The following NRG3 variants were observed in gnomAD, a reference collection of about 807,000 sequenced individuals.
The protein encoded by NRG3 is pro-neuregulin-3, membrane-bound isoform.
In NRG3, 31 loss-of-function variants were observed where a neutral mutation model predicts 66.9. The ratio of observed to expected loss-of-function variants is 0.46; its 90% CI spans 0.35 to 0.63. NRG3 has a LOEUF of 0.63. NRG3 is among the 20% of genes least tolerant of loss of function. The probability of loss-of-function intolerance (pLI) is 0.00; values close to 1 mark genes in which losing one functional copy is unlikely to be tolerated. For synonymous variants in NRG3, 393 were observed against 359.4 expected (o/e 1.09, Z -1.06); for missense variants, 910 against 878.9 (o/e 1.04, Z -0.45).
At chr10:82,480,129 A>G (rs1366333702) in intron 2 of NRG3, among the ~76,000 whole-genome samples, 1 of 152,272 alleles carries the variant, frequency 6.6e-6, no homozygotes, top group Non-Finnish European at 1.5e-5. Context: ...GATTTCATTC[A>G]TAAGAAAGGT....
In NRG3 at chr10:82,813,186, A is replaced by G. The variant is rs200104278; in HGVS notation, c.1028-52225A>G. On this transcript the variant is annotated intron_variant, in intron 3 of 8. Transcript: ENST00000372141. The stretch of plus-strand genomic sequence containing the variant: ...AAAAAAAACACAAAGTACATTATTC[A>G]TCATTATTCATACCCTCTGTTTCTC... 2.7e-5 allele frequency among the ~76,000 whole-genome samples: 4 copies of G among 149,776 alleles called. No individual in the cohort carries two copies. The East Asian group carries it at 7.9e-4, about 30-fold the overall frequency.
At chr10:82,528,621 A>G (rs939990502) in intron 2 of NRG3, among the ~76,000 whole-genome samples, 3 of 152,116 alleles carry the variant, frequency 2.0e-5, no homozygotes, top group African/African-American at 7.2e-5. Context: ...TCGGAGACAG[A>G]GTTTGCTATT....
chr10:82,818,407 C>A (rs73307259), intron 3 of NRG3, among the ~76,000 whole-genome samples: 3,448 of 152,122 alleles, frequency 0.023, 143 homozygotes, highest in African/African-American at 0.08. Flanking sequence ...CAGACCATTG[C>A]AGGACAGGAG....
chr10:82,520,842 G>A (rs1223360774), intron 2 of NRG3, among the ~76,000 whole-genome samples: 3 of 152,122 alleles, frequency 2.0e-5, no homozygotes, highest in African/African-American at 7.2e-5. Flanking sequence ...ATCCACTGGT[G>A]TTCGGGTATA....
chr10:82,003,129 G>T (rs2061238377), intron 1 of NRG3, among the ~76,000 whole-genome samples: 1 of 152,164 alleles, frequency 6.6e-6, no homozygotes, highest in Non-Finnish European at 1.5e-5. Context: ...TTAATTGCAT[G>T]TGCAAGGGGA....
chr10:82,937,042 C>T (rs1157377149), intron 4 of NRG3, among the ~76,000 whole-genome samples: 2 of 152,232 alleles, frequency 1.3e-5, no homozygotes, highest in East Asian at 1.9e-4. Flanking sequence ...ATTCGTGGAG[C>T]ATCAGTATGA....
At position 82,268,039 on chromosome 10, in the gene NRG3, C is replaced by T. The variant is rs569879809; in HGVS notation, c.824-90700C>T. Among the ~76,000 whole-genome samples the T allele has an allele frequency of 2.0e-5, 3 of 152,286 alleles. No individual in the cohort carries two copies. In the South Asian group the frequency reaches 6.2e-4, roughly 32 times the overall value. ...AGCTAAAACTGTTACATGAATATCA[C>T]TGAGTATTTTTTAAGCTCTTCCTCT... is the stretch of plus-strand genomic sequence containing the variant. On this transcript the variant is annotated intron_variant, in intron 1 of 8. Transcript: ENST00000372141.
chr10:82,654,377 T>C (rs2051680133), intron 2 of NRG3, among the ~76,000 whole-genome samples: 1 of 152,146 alleles, frequency 6.6e-6, no homozygotes, highest in African/African-American at 2.4e-5. Flanking sequence ...CATTTTCCAA[T>C]AAAATGAGCA....
chr10:82,960,377 T>C (rs1024727734), intron 6 of NRG3, among the ~76,000 whole-genome samples: 28 of 151,808 alleles, frequency 1.8e-4, no homozygotes, highest in African/African-American at 6.5e-4. Flanking sequence ...AGCCAGACAC[T>C]AGTTAAAGTG....
intron 4 of NRG3, among the ~76,000 whole-genome samples, chr10:82,886,737 CAAGTA>C (rs1210431081): frequency 1.3e-5 from 2 of 152,142 alleles, no homozygotes; most frequent in African/African-American, 4.8e-5. Flanking sequence ...TACATTTTCT[CAAGTA>C]AAGACAAAGT....
intron 3 of NRG3, among the ~76,000 whole-genome samples, chr10:82,861,251 G>A (rs1189166142): frequency 6.6e-6 from 1 of 151,976 alleles, no homozygotes; most frequent in Non-Finnish European, 1.5e-5. Flanking sequence ...ATGTCCAGTG[G>A]TGTCAGTTGC....
At chr10:82,458,845 G>A (rs1289904871) in intron 2 of NRG3, among the ~76,000 whole-genome samples, 1 of 152,200 alleles carries the variant, frequency 6.6e-6, no homozygotes, top group Non-Finnish European at 1.5e-5. Flanking sequence ...CTCACCTGAG[G>A]TAGCATTCCC....
chr10:82,786,382 T>C (rs958162046), intron 3 of NRG3, among the ~76,000 whole-genome samples: 5 of 152,144 alleles, frequency 3.3e-5, no homozygotes, highest in Admixed American at 6.5e-5. Context: ...AGACATGATA[T>C]GGTTTTTGTT....
chr10:82,274,812 C>T (rs966797049), intron 1 of NRG3, among the ~76,000 whole-genome samples: 2 of 151,852 alleles, frequency 1.3e-5, no homozygotes, highest in African/African-American at 4.8e-5. Flanking sequence ...TTTCATCGTC[C>T]CATTAAAACT....
intron 2 of NRG3, among the ~76,000 whole-genome samples, chr10:82,410,183 A>G (rs2087948835): frequency 6.6e-6 from 1 of 152,078 alleles, no homozygotes; most frequent in Admixed American, 6.6e-5. Flanking sequence ...AGATTTCTTA[A>G]TGATTTGTGG....
At chr10:82,445,499 GCTCT>G (rs2090671904) in intron 2 of NRG3, among the ~76,000 whole-genome samples, 1 of 152,082 alleles carries the variant, frequency 6.6e-6, no homozygotes, top group Admixed American at 6.6e-5. Flanking sequence ...CTTCTTAGGG[GCTCT>G]CTGTGTCTAA....
chr10:82,739,510 T>A (rs867687594), intron 3 of NRG3, among the ~76,000 whole-genome samples: 120 of 152,348 alleles, frequency 7.9e-4, no homozygotes, highest in African/African-American at 2.7e-3. Flanking sequence ...TTGTACTGAC[T>A]AAGGACAGAG....
At chr10:81,998,399 G>T (rs2061027731) in intron 1 of NRG3, among the ~76,000 whole-genome samples, 1 of 152,014 alleles carries the variant, frequency 6.6e-6, no homozygotes, top group South Asian at 2.1e-4. Context: ...CTCCCAAACT[G>T]GCCACTCTGA....
intron 2 of NRG3, among the ~76,000 whole-genome samples, chr10:82,728,254 G>A (rs371744295): frequency 6.7e-4 from 102 of 152,208 alleles, no homozygotes; most frequent in African/African-American, 2.4e-3. Context: ...CAGAGAGGTC[G>A]GGGTGGAATA....
Sources: allele counts gnomAD v4.1 joint callset (sites outside exome capture counted in the v4.1 genomes callset), GRCh38; gene constraint gnomAD v4.1.1; transcripts MANE v1.5; gene names NCBI Gene and HGNC (gene_info 2026-07-23, HGNC 2026-07-21).